GABBR2: variants seen among roughly 807,000 people sequenced by gnomAD.
GABBR2 encodes the protein G-protein coupled receptor 51.
In GABBR2, 23 loss-of-function variants were observed where a neutral mutation model predicts 105.6. The observed-to-expected ratio is 0.22, with a 90% CI of 0.16 to 0.31. The LOEUF (loss-of-function observed/expected upper bound fraction) is 0.31. Among genes scored for constraint, GABBR2 ranks in the 10% least tolerant of loss-of-function variants. The pLI is 1.00. For synonymous variants in GABBR2, 478 were observed against 499.7 expected (o/e 0.96, Z 0.58); for missense variants, 734 against 1,245.5 (o/e 0.59, Z 6.18).
At chr9:98,607,372 C>T (rs151250762) in intron 1 of GABBR2, 8 of 695,648 alleles carry the variant, frequency 1.2e-5, no homozygotes, top group South Asian at 4.9e-5. Context: ...GTTTATGAAG[C>T]GTTTGCATGA....
At chr9:98,345,976 T>C (rs1196460631) in intron 13 of GABBR2, among the ~76,000 whole-genome samples, 1 of 152,202 alleles carries the variant, frequency 6.6e-6, no homozygotes, top group Non-Finnish European at 1.5e-5. Flanking sequence ...ACAATATACA[T>C]ACTTTAATTA....
At chr9:98,389,058 A>AAC (rs1832131776) in intron 9 of GABBR2, 54 bp from the exon 10 acceptor site, 1 of 1,518,478 alleles carries the variant, frequency 6.6e-7, no homozygotes, top group Non-Finnish European at 9.0e-7. Flanking sequence ...ATTCCCCGAG[A>AAC]ACACCTTTGC....
chr9:98,334,767 G>A (rs1252006839), intron 13 of GABBR2, among the ~76,000 whole-genome samples: 1 of 152,180 alleles, frequency 6.6e-6, no homozygotes, highest in Non-Finnish European at 1.5e-5. Flanking sequence ...CATGAACAGA[G>A]CATCTTTGGG....
chr9:98,352,753 G>T (rs996906230), intron 13 of GABBR2, among the ~76,000 whole-genome samples: 1 of 152,092 alleles, frequency 6.6e-6, no homozygotes, highest in Admixed American at 6.5e-5. Flanking sequence ...TGTCCTGGGG[G>T]TAGCCTTCCT....
rs767593298 is a variant in GABBR2, at chr9:98,496,455, C to T, written c.690G>A (p.Glu230=). Residue 230 remains glutamate, a synonymous_variant, in exon 4 of 19, where the codon GAG becomes GAA. Transcript: ENST00000259455. The part of the protein sequence containing the change: ...YGEDIEISDT[E]SFSNDPCTSV... Reference sequence around the variant, plus strand: ...TGGTACAGGGATCGTTGGAGAAGCTCTCGGTGTCTGAAATCTCAATGTCCT... The same window carrying T: ...TGGTACAGGGATCGTTGGAGAAGCTTTCGGTGTCTGAAATCTCAATGTCCT... 6.2e-7 allele frequency: 1 copy of T among 1,613,292 alleles called. No homozygotes were observed. Among genetic ancestry groups the T allele is most frequent in the Non-Finnish European group, 8.5e-7 (1 of 1,179,510 alleles).
At chr9:98,365,501 T>C (rs1459890476) in intron 12 of GABBR2, among the ~76,000 whole-genome samples, 1 of 152,240 alleles carries the variant, frequency 6.6e-6, no homozygotes, top group Non-Finnish European at 1.5e-5. Context: ...AGGAAATGGT[T>C]ATTTTCCTTT....
chr9:98,708,605 C>G lies in GABBR2; in HGVS notation c.133G>C (p.Gly45Arg). 1 of 1,411,076 alleles carries G rather than the reference C, an allele frequency of 7.1e-7. No individual in the cohort carries two copies. Among genetic ancestry groups the G allele is most frequent in the Non-Finnish European group, 9.3e-7 (1 of 1,080,320 alleles). The allele number at this position is 1,411,076 out of a possible 1,614,324, so 87.4% of individuals were successfully genotyped here. The change falls in exon 1 of 19, where the codon GGC (glycine) becomes CGC (arginine). Residue 45 changes from glycine (G) to arginine (R), a missense_variant. Coordinates refer to ENST00000259455, the MANE Select transcript of GABBR2 (RefSeq NM_005458.8). ...CTGCTGGGCGGCGGCCGGGGGGCGC[C>G]CCGCGCCCAGCCCCAGGCCCCGGGC... is the stretch of plus-strand genomic sequence containing the variant. ...LAPGAWGWARGAPRPPPSSPP... is the reference protein window; with the variant it reads ...LAPGAWGWARRAPRPPPSSPP...
intron 2 of GABBR2, among the ~76,000 whole-genome samples, chr9:98,572,191 C>T (rs1828842511): frequency 6.6e-6 from 1 of 152,216 alleles, no homozygotes; most frequent in African/African-American, 2.4e-5. Flanking sequence ...GAGGGAGAAA[C>T]AGGTTCCCAG....
chr9:98,422,917 C>A (rs997422301), intron 7 of GABBR2, among the ~76,000 whole-genome samples: 1 of 152,018 alleles, frequency 6.6e-6, no homozygotes, highest in Admixed American at 6.6e-5. Flanking sequence ...CAATTTCATC[C>A]ATGTCCCTAC....
intron 1 of GABBR2, among the ~76,000 whole-genome samples, chr9:98,634,725 T>G (rs538194367): frequency 6.6e-6 from 1 of 152,254 alleles, no homozygotes; most frequent in South Asian, 2.1e-4. Flanking sequence ...ATGGCAGCCC[T>G]GGGAAATGAT....
intron 3 of GABBR2, among the ~76,000 whole-genome samples, chr9:98,521,149 G>A (rs1827856991): frequency 6.6e-6 from 1 of 152,120 alleles, no homozygotes; most frequent in Non-Finnish European, 1.5e-5. Flanking sequence ...GTGACAGAAA[G>A]GACCAAGGGA....
At chr9:98,687,536 TA>T (rs1281278991) in intron 1 of GABBR2, among the ~76,000 whole-genome samples, 1 of 152,116 alleles carries the variant, frequency 6.6e-6, no homozygotes, top group Non-Finnish European at 1.5e-5. Context: ...GGAGCCTGAC[TA>T]AAGTTTGGTC....
At chr9:98,370,212 C>A (rs1446756848) in intron 12 of GABBR2, among the ~76,000 whole-genome samples, 4 of 152,088 alleles carry the variant, frequency 2.6e-5, no homozygotes, top group Non-Finnish European at 4.4e-5. Flanking sequence ...CTGTCCAGGA[C>A]TAGCTGGAGG....
At chr9:98,632,860 G>A (rs1203905236) in intron 1 of GABBR2, among the ~76,000 whole-genome samples, 1 of 152,168 alleles carries the variant, frequency 6.6e-6, no homozygotes, top group Non-Finnish European at 1.5e-5. Context: ...ATAAGTAACT[G>A]GAACACTCAG....
intron 2 of GABBR2, among the ~76,000 whole-genome samples, chr9:98,546,324 C>A (rs1828400961): frequency 6.6e-6 from 1 of 152,108 alleles, no homozygotes; most frequent in African/African-American, 2.4e-5. Flanking sequence ...GTTTGTTAAA[C>A]TTTTTTCTAT....
chr9:98,425,869 A>G (rs969755044), intron 7 of GABBR2, among the ~76,000 whole-genome samples: 1 of 152,190 alleles, frequency 6.6e-6, no homozygotes, highest in African/African-American at 2.4e-5. Context: ...CCTCTGGCTT[A>G]GCTTACTCAT....
At chr9:98,478,784 T>C (rs1826848942) in intron 5 of GABBR2, among the ~76,000 whole-genome samples, 1 of 152,230 alleles carries the variant, frequency 6.6e-6, no homozygotes, top group African/African-American at 2.4e-5. Context: ...AAGGCCCATC[T>C]ATGTTTCTTG....
Position 98,617,155 on chromosome 9 carries a change from GA to G in GABBR2, c.322-39084del, listed in dbSNP as rs896854363. Among the ~76,000 whole-genome samples the G allele has an allele frequency of 1.3e-3, 205 of 152,258 alleles. 1 individual carries two copies. The highest frequency in any genetic ancestry group is 4.7e-3 in the African/African-American group (194 of 41,542). On this transcript the variant is annotated intron_variant, in intron 1 of 18. Coordinates refer to ENST00000259455, the MANE Select transcript of GABBR2 (RefSeq NM_005458.8). ...ACCACGATAAATTCTCTTTATGATG[GA>G]TGATCACAAGTTTCTGTCAGATGTG...
intron 3 of GABBR2, among the ~76,000 whole-genome samples, chr9:98,535,282 G>T (rs1365541190): frequency 1.3e-5 from 2 of 151,948 alleles, no homozygotes; most frequent in East Asian, 1.9e-4. Context: ...TGTATTTTTA[G>T]TAGAGACAGG....
Sources: allele counts gnomAD v4.1 joint callset (sites outside exome capture counted in the v4.1 genomes callset), GRCh38; gene constraint gnomAD v4.1.1; transcripts MANE v1.5; gene names NCBI Gene and HGNC (gene_info 2026-07-23, HGNC 2026-07-21).